CERS1: variants seen among roughly 807,000 people sequenced by gnomAD.
The protein encoded by CERS1 is ceramide synthase 1, also known as Embryonic growth/differentiation factor 1.
Under a neutral mutation model 35.7 loss-of-function variants are expected in CERS1, and 16 were observed. That is an observed-to-expected ratio of 0.45 (90% CI 0.30 to 0.68). The LOEUF is 0.68. Among genes scored for constraint, CERS1 ranks in the 30% least tolerant of loss-of-function variants. CERS1 has a pLI of 0.08. For missense variants in CERS1, 454 were observed against 453.9 expected (o/e 1.00, Z 0.00); for synonymous variants, 243 against 201.6 (o/e 1.21, Z -1.74).
At chr19:18,892,476 T>A (rs1330865297) in intron 2 of CERS1, among the ~76,000 whole-genome samples, 1 of 151,672 alleles carries the variant, frequency 6.6e-6, no homozygotes. Context: ...TAGCCGGGCG[T>A]GGTGGCGGGC....
rs775584529 is a variant in CERS1, at chr19:18,869,377, C to A, written c.*608G>T. The A allele has an allele frequency of 2.5e-4, 385 of 1,529,294 alleles. No individual in the cohort carries two copies. Among genetic ancestry groups the A allele is most frequent in the Non-Finnish European group, 3.2e-4 (363 of 1,144,954 alleles). 94.7% of individuals were successfully genotyped at this position (1,529,294 alleles called of 1,614,324 possible). ...CCGCGGCCGAGGCAGGCTCCGAGGC[C>A]CGGGTGGGCGCACCTGGGGAGGTAG... On this transcript the variant is annotated 3_prime_UTR_variant, in exon 8 of 8. Transcript: ENST00000623882.
At chr19:18,875,903 T>G (rs1210302464) in intron 6 of CERS1, among the ~76,000 whole-genome samples, 2 of 152,234 alleles carry the variant, frequency 1.3e-5, no homozygotes, top group Non-Finnish European at 2.9e-5. Context: ...GATCCTCGCT[T>G]AGAGTTCCCA....
intron 2 of CERS1, among the ~76,000 whole-genome samples, chr19:18,891,121 CA>C (rs879696067): frequency 0.024 from 2,428 of 99,646 alleles, 14 homozygotes; most frequent in Non-Finnish European, 0.029. Flanking sequence ...GAGACTGTCT[CA>C]AAAAAAAAAA....
intron 2 of CERS1, among the ~76,000 whole-genome samples, chr19:18,891,366 C>T (rs999366586): frequency 2.6e-5 from 4 of 152,270 alleles, no homozygotes; most frequent in Non-Finnish European, 5.9e-5. Context: ...TGGTGGTCCT[C>T]GCAGGGCAGA....
At chr19:18,884,065 T>C (rs1277311741) in intron 3 of CERS1, 22 bp downstream of exon 3, 3 of 1,602,388 alleles carry the variant, frequency 1.9e-6, no homozygotes, top group Non-Finnish European at 1.7e-6. Flanking sequence ...CTCGGCCCCC[T>C]GCCACCCGAT....
At chr19:18,893,718 G>T in intron 1 of CERS1, 143 bp from the exon 2 acceptor site, 1 of 834,104 alleles carries the variant, frequency 1.2e-6, no homozygotes, top group Non-Finnish European at 1.8e-6. Context: ...GCCACCTGGA[G>T]CATAAACAGA....
chr19:18,893,395 C>T, intron 2 of CERS1, 21 bp downstream of exon 2: 1 of 1,589,248 alleles, frequency 6.3e-7, no homozygotes, highest in South Asian at 1.1e-5. Flanking sequence ...GCCCTCCCGG[C>T]CATCCCCTCA....
In CERS1 at chr19:18,870,058, CT is replaced by C. The variant is rs1266267305; in HGVS notation, c.*518del. ...ACGTGGCACGGTTGCAGGGTGACCC[CT>C]GGGGACGTCCGCCGCGAGCCAGACC... On this transcript the variant is annotated 3_prime_UTR_variant, in exon 7 of 8. Transcript: ENST00000623882. This position sits in a 1 kb window ranked among gnomAD's most constrained non-coding sequence, Gnocchi z 5.1. 6.3e-7 allele frequency: 1 copy of C among 1,588,206 alleles called. No homozygotes were observed. The highest frequency in any genetic ancestry group is 8.5e-7 in the Non-Finnish European group (1 of 1,171,710).
At chr19:18,869,529 G>T in intron 7 of CERS1, 139 bp from the exon 8 acceptor site, 1 of 1,179,014 alleles carries the variant, frequency 8.5e-7, no homozygotes, top group South Asian at 1.6e-5. Flanking sequence ...CGGCGGGGTG[G>T]GCTGATGGAG....
At chr19:18,873,934 A>G (rs1172117886) in intron 6 of CERS1, among the ~76,000 whole-genome samples, 1 of 151,014 alleles carries the variant, frequency 6.6e-6, no homozygotes, top group Non-Finnish European at 1.5e-5. Context: ...GGTCTTCGGG[A>G]TGGGGGGAGG....
At chr19:18,876,101 C>T (rs894765854) in intron 6 of CERS1, among the ~76,000 whole-genome samples, 4 of 152,240 alleles carry the variant, frequency 2.6e-5, no homozygotes, top group Non-Finnish European at 5.9e-5. Flanking sequence ...TCTCCTGCCT[C>T]AGCCTCCTGA....
chr19:18,880,135 T>C (rs973381893), intron 4 of CERS1, 139 bp downstream of exon 4: 3 of 612,756 alleles, frequency 4.9e-6, no homozygotes, highest in Admixed American at 3.4e-5. Flanking sequence ...ACCCAAATCA[T>C]GAGGCCCCTC....
chr19:18,868,954 G>A lies in CERS1; in HGVS notation c.*1031C>T, dbSNP rs1436311174. On this transcript the variant is annotated 3_prime_UTR_variant, in exon 8 of 8. Coordinates refer to ENST00000623882, the MANE Select transcript of CERS1 (RefSeq NM_021267.5). Reference sequence around the variant, plus strand: ...GGCCGCCGCCCAACACGGGTTCGGCGTCGCGCCGCGGCCGGGCCAGGGGGT... The same window carrying A: ...GGCCGCCGCCCAACACGGGTTCGGCATCGCGCCGCGGCCGGGCCAGGGGGT... The A allele has an allele frequency of 1.0e-5, 12 of 1,187,846 alleles. No homozygotes were observed. Among genetic ancestry groups the A allele is most frequent in the South Asian group, 2.5e-5 (1 of 40,360 alleles). The allele number at this position is 1,187,846 out of a possible 1,614,324, so 73.6% of individuals were successfully genotyped here. A position where few individuals can be genotyped will look rare whatever the true frequency, so the allele number is the denominator to read the frequency against.
chr19:18,871,893 A>T (rs1371257788), intron 6 of CERS1, among the ~76,000 whole-genome samples: 4 of 152,160 alleles, frequency 2.6e-5, no homozygotes, highest in African/African-American at 9.7e-5. Context: ...AACCTCCGTG[A>T]CACACTGTCC....
rs1468736634 is a variant in CERS1 at position 18,895,794 on chromosome 19, C to T, written c.249+30G>A. 2.5e-6 allele frequency: 3 copies of T among 1,183,576 alleles called. No homozygotes were observed. Among genetic ancestry groups the T allele is most frequent in the Non-Finnish European group, 3.2e-6 (3 of 941,910 alleles). The allele number at this position is 1,183,576 out of a possible 1,614,324, so 73.3% of individuals were successfully genotyped here. ...GTCCCGGCTTCCCCCAGTCCGGGGT[C>T]CCCTCGTCCCGGCCCCCGGCCACAC... On this transcript the variant is annotated intron_variant, in intron 1 of 7. Coordinates refer to ENST00000623882, the MANE Select transcript of CERS1 (RefSeq NM_021267.5). The surrounding 1 kb of genome is among the most constrained non-coding windows in gnomAD (Gnocchi z 6.4).
Position 18,870,216 on chromosome 19 carries a change from ACGGGGGCG to A in CERS1, c.*353_*360del, listed in dbSNP as rs1568291639. ...CAGGGCGGCGGCTGGGCCTGGGGGC[ACGGGGGCG>A]CGGGTCAGGGGCAGCGAGGGCAGCA... On this transcript the variant is annotated 3_prime_UTR_variant, in exon 7 of 8. Transcript: ENST00000623882. The surrounding 1 kb of genome is among the most constrained non-coding windows in gnomAD (Gnocchi z 5.1). The A allele has an allele frequency of 8.4e-6, 13 of 1,556,194 alleles. No homozygotes were observed. The East Asian group carries it at 2.8e-4, about 33-fold the overall frequency.
At chr19:18,883,426 G>A (rs566888933) in intron 3 of CERS1, 4 of 152,298 alleles carry the variant, frequency 2.6e-5, no homozygotes, top group East Asian at 1.9e-4. Flanking sequence ...CCCACACTTC[G>A]GGGAGCTGAG....
chr19:18,869,147 AG>A lies in CERS1; in HGVS notation c.*837del. On this transcript the variant is annotated 3_prime_UTR_variant, in exon 8 of 8. Transcript: ENST00000623882. ...CAGCTCCGCGCGCACTGGCGGCCCC[AG>A]GGCGGGCACCAACTGGCGGAGCAGC... 8.9e-7 allele frequency: 1 copy of A among 1,118,968 alleles called. No homozygotes were observed. Among genetic ancestry groups the A allele is most frequent in the South Asian group, 3.3e-5 (1 of 30,762 alleles). The allele number at this position is 1,118,968 out of a possible 1,614,324, so 69.3% of individuals were successfully genotyped here. A position where few individuals can be genotyped will look rare whatever the true frequency, so the allele number is the denominator to read the frequency against.
At chr19:18,884,501 G>A (rs567617306) in intron 2 of CERS1, among the ~76,000 whole-genome samples, 2 of 151,298 alleles carry the variant, frequency 1.3e-5, no homozygotes, top group South Asian at 2.1e-4. Context: ...TCCACATCCT[G>A]GGTTCAAACG....
Sources: gnomAD v4.1 joint callset for allele counts (sites outside exome capture counted in the v4.1 genomes callset) on GRCh38, gnomAD v4.1.1 for gene constraint, Gnocchi (gnomAD v3.1) non-coding constraint, MANE v1.5 for transcripts, NCBI Gene and HGNC (gene_info 2026-07-23, HGNC 2026-07-21) for gene names.